Variants in SLC4A10 observed in about 807,000 individuals in gnomAD.
SLC4A10 encodes the protein solute carrier family 4 member 10, also known as sodium-driven chloride bicarbonate exchanger.
A neutral mutation model predicts 137.7 loss-of-function variants in SLC4A10; 42 were observed. The ratio of observed to expected loss-of-function variants is 0.30; its 90% CI spans 0.24 to 0.39. SLC4A10 has a LOEUF of 0.39. SLC4A10 is among the 10% of genes least tolerant of loss of function. The probability of loss-of-function intolerance (pLI) is 1.00; values close to 1 mark genes in which losing one functional copy is unlikely to be tolerated. For missense variants in SLC4A10, 925 were observed against 1,355.0 expected, an observed-to-expected ratio of 0.68 and a Z score of 4.98; for synonymous variants, 474 against 464.1, an observed-to-expected ratio of 1.02 and a Z score of -0.27.
At chr2:161,981,279 G>A (rs1700183948) in intron 26 of SLC4A10, among the ~76,000 whole-genome samples, 1 of 152,190 alleles carries the variant, frequency 6.6e-6, no homozygotes, top group Non-Finnish European at 1.5e-5. Flanking sequence ...CACATGTGTA[G>A]AGACCAGTAT....
At chr2:161,956,516 C>G (rs1695697233) in intron 19 of SLC4A10, among the ~76,000 whole-genome samples, 1 of 133,976 alleles carries the variant, frequency 7.5e-6, no homozygotes, top group African/African-American at 2.7e-5. Flanking sequence ...CCTCAGAGAG[C>G]ACCCTGTCTG....
At chr2:161,965,404 T>C (rs1697410313) in intron 23 of SLC4A10, among the ~76,000 whole-genome samples, 1 of 152,200 alleles carries the variant, frequency 6.6e-6, no homozygotes, top group African/African-American at 2.4e-5. Flanking sequence ...AATATGGAAA[T>C]ACTTTGTACT....
intron 1 of SLC4A10, among the ~76,000 whole-genome samples, chr2:161,630,349 A>G (rs186395593): frequency 2.6e-5 from 4 of 151,882 alleles, no homozygotes; most frequent in African/African-American, 9.6e-5. Flanking sequence ...TCACATACTG[A>G]GTTAGGGAGT....
chr2:161,740,313 C>T (rs943363269), intron 1 of SLC4A10, among the ~76,000 whole-genome samples: 1 of 152,134 alleles, frequency 6.6e-6, no homozygotes, highest in Non-Finnish European at 1.5e-5. Flanking sequence ...TACACAAGTC[C>T]AGAGTCAGTT....
intron 1 of SLC4A10, among the ~76,000 whole-genome samples, chr2:161,653,868 G>C (rs957294083): frequency 2.0e-5 from 3 of 152,178 alleles, no homozygotes; most frequent in African/African-American, 7.2e-5. Context: ...CAGGCATGTA[G>C]ATATCTCTTC....
chr2:161,696,556 T>C (rs1293992903), intron 1 of SLC4A10, among the ~76,000 whole-genome samples: 1 of 148,364 alleles, frequency 6.7e-6, no homozygotes, highest in Admixed American at 6.8e-5. Flanking sequence ...ACATGCAGTG[T>C]TTGGTTTTTT....
intron 12 of SLC4A10, 179 bp downstream of exon 12, chr2:161,901,190 A>T: frequency 1.7e-6 from 1 of 596,440 alleles, no homozygotes. Flanking sequence ...TTACTGTTAA[A>T]CTAAAACAGT....
Position 161,950,689 on chromosome 2 carries a change from C to G in SLC4A10, c.2382C>G (p.Pro794=). Residue 794 remains proline (P), a splice_region_variant and synonymous_variant, in exon 19 of 27, where the codon CCC becomes CCG. Coordinates refer to ENST00000446997, the MANE Select transcript of SLC4A10 (RefSeq NM_001178015.2). ...TGCACATTCTTTACTTTATACAGCC[C>G]ACTAGAGATGATCGTGGCTGGTTTG... ...PKLQVPSVFK[P]TRDDRGWFVT... The G allele has an allele frequency of 1.9e-6, 3 of 1,582,440 alleles. No individual in the cohort carries two copies. The highest frequency in any genetic ancestry group is 2.6e-6 in the Non-Finnish European group (3 of 1,162,380).
chr2:161,648,116 G>A (rs1238628727), intron 1 of SLC4A10, among the ~76,000 whole-genome samples: 1 of 152,096 alleles, frequency 6.6e-6, no homozygotes, highest in Non-Finnish European at 1.5e-5. Context: ...ATCAGGCTCA[G>A]TTGGGCTAAT....
intron 17 of SLC4A10, among the ~76,000 whole-genome samples, chr2:161,948,686 C>G (rs576192145): frequency 1.3e-5 from 2 of 152,106 alleles, no homozygotes; most frequent in Non-Finnish European, 2.9e-5. Context: ...TGCTTATATT[C>G]TAGATAAACT....
chr2:161,836,558 A>G (rs752116814), intron 3 of SLC4A10, among the ~76,000 whole-genome samples: 2,587 of 100,066 alleles, frequency 0.026, 122 homozygotes, highest in African/African-American at 0.077. Flanking sequence ...GAAAGAAAGA[A>G]AGAAAGAAAG....
chr2:161,856,772 T>G (rs1443820426), intron 5 of SLC4A10, among the ~76,000 whole-genome samples: 2 of 152,174 alleles, frequency 1.3e-5, no homozygotes, highest in Non-Finnish European at 2.9e-5. Context: ...TGTAATTATC[T>G]TTTTAATGCT....
chr2:161,735,490 T>C (rs542416440), intron 1 of SLC4A10, among the ~76,000 whole-genome samples: 237 of 152,304 alleles, frequency 1.6e-3, no homozygotes, highest in East Asian at 1.2e-3. Flanking sequence ...GGATTTTAAG[T>C]TACTGAAAAT....
intron 1 of SLC4A10, among the ~76,000 whole-genome samples, chr2:161,691,843 C>T (rs1178538768): frequency 6.6e-6 from 1 of 151,974 alleles, no homozygotes; most frequent in African/African-American, 2.4e-5. Context: ...GAGGAATTTA[C>T]AGGTTAAGAC....
At chr2:161,640,867 T>C (rs1215351474) in intron 1 of SLC4A10, among the ~76,000 whole-genome samples, 2 of 152,076 alleles carry the variant, frequency 1.3e-5, no homozygotes, top group African/African-American at 2.4e-5. Context: ...AAATGAAACA[T>C]TGAACTATTT....
chr2:161,882,511 C>G (rs1376971784), intron 10 of SLC4A10, 67 bp downstream of exon 10: 14 of 916,808 alleles, frequency 1.5e-5, no homozygotes, highest in Non-Finnish European at 2.3e-5. Context: ...TGGAGGTCCT[C>G]TTTTCATGAC....
intron 20 of SLC4A10, 29 bp from the exon 21 acceptor site, chr2:161,958,458 C>T: frequency 1.3e-6 from 2 of 1,575,134 alleles, no homozygotes; most frequent in Non-Finnish European, 8.7e-7. Flanking sequence ...AAAATGATTT[C>T]TGCCTTTTCT....
chr2:161,705,640 G>A (rs943587233), intron 1 of SLC4A10, among the ~76,000 whole-genome samples: 17 of 151,616 alleles, frequency 1.1e-4, no homozygotes, highest in African/African-American at 4.1e-4. Context: ...TGAAGGCAGA[G>A]ACCTCATAAA....
rs962835501 is a variant in SLC4A10, at chr2:161,782,801, A to G, written c.130+11747A>G. Among the ~76,000 whole-genome samples the G allele has an allele frequency of 4.0e-5, 6 of 149,424 alleles. 1 individual carries two copies. Among genetic ancestry groups the G allele is most frequent in the Non-Finnish European group, 5.9e-5 (4 of 67,464 alleles). On this transcript the variant is annotated intron_variant, in intron 2 of 26. Coordinates refer to ENST00000446997, the MANE Select transcript of SLC4A10 (RefSeq NM_001178015.2). Reference sequence around the variant, plus strand: ...CATTGGAACTTGCTGAGTCAGAGAAACAAAAAGGACAAAATAATGAAAAAG... The same window carrying G: ...CATTGGAACTTGCTGAGTCAGAGAAGCAAAAAGGACAAAATAATGAAAAAG...
Sources: allele counts gnomAD v4.1 joint callset (sites outside exome capture counted in the v4.1 genomes callset), GRCh38; gene constraint gnomAD v4.1.1; transcripts MANE v1.5; gene names NCBI Gene and HGNC (gene_info 2026-07-23, HGNC 2026-07-21).